Variants in KCTD2 observed in about 807,000 individuals in gnomAD.
KCTD2 encodes the protein potassium channel tetramerization domain containing 2.
KCTD2 carries 18 observed loss-of-function variants against 27.9 expected under a neutral mutation model. That is an observed-to-expected ratio of 0.64 (90% confidence interval 0.45 to 0.96). The LOEUF is 0.96. Among genes scored for constraint, KCTD2 ranks in the 40% least tolerant of loss-of-function variants. KCTD2 has a pLI of 0.00. For synonymous variants in KCTD2, 175 were observed against 148.4 expected, an observed-to-expected ratio of 1.18 and a Z score of -1.30; for missense variants, 280 against 348.0, an observed-to-expected ratio of 0.80 and a Z score of 1.56.
intron 3 of KCTD2, chr17:75,038,830 A>T (rs933062668): frequency 1.5e-6 from 2 of 1,359,212 alleles, no homozygotes; most frequent in African/African-American, 1.5e-5. Flanking sequence ...AGGCTTAATT[A>T]TCTCAACCAC....
chr17:75,062,277 T>C lies in KCTD2; in HGVS notation c.762+32T>C, dbSNP rs769244650. 1.7e-5 allele frequency: 27 copies of C among 1,593,088 alleles called. No homozygotes were observed. The South Asian group carries it at 2.6e-4, about 16-fold the overall frequency. ...AGCCCCTTCCCTGGGCAGTTGCCTC[T>C]GGCTTGCTTGTTCGCACCCCCTCCG... On this transcript the variant is annotated intron_variant, in intron 5 of 5. Coordinates refer to ENST00000322444, the MANE Select transcript of KCTD2 (RefSeq NM_015353.3).
intron 3 of KCTD2, among the ~76,000 whole-genome samples, chr17:75,055,624 A>G (rs550454180): frequency 1.8e-4 from 27 of 152,006 alleles, no homozygotes; most frequent in African/African-American, 6.3e-4. Context: ...ACCTGAGGTC[A>G]GGAGTTCAAG....
intron 5 of KCTD2, among the ~76,000 whole-genome samples, chr17:75,062,582 G>T (rs1312939976): frequency 6.6e-6 from 1 of 151,940 alleles, no homozygotes; most frequent in African/African-American, 2.4e-5. Context: ...CTTTAAAACT[G>T]TGCTTTTTTC....
chr17:75,060,247 G>A (rs75533478), intron 4 of KCTD2, among the ~76,000 whole-genome samples: 1 of 149,636 alleles, frequency 6.7e-6, no homozygotes, highest in South Asian at 2.1e-4. Flanking sequence ...TTTTTTTTTG[G>A]AAAGTCAAAT....
chr17:75,064,139 G>T lies in KCTD2; in HGVS notation c.*1092G>T, dbSNP rs1379475019. Reference sequence around the variant, plus strand: ...GTGCTAGGCAGTCTGGGGACCCCCTGTGTCTCTGACCACCCCCCTGACCCC... The same window carrying T: ...GTGCTAGGCAGTCTGGGGACCCCCTTTGTCTCTGACCACCCCCCTGACCCC... On this transcript the variant is annotated 3_prime_UTR_variant, in exon 6 of 6. Transcript: ENST00000322444. 6.5e-6 allele frequency: 1 copy of T among 152,672 alleles called. No homozygotes were observed. The highest frequency in any genetic ancestry group is 2.4e-5 in the African/African-American group (1 of 41,458). 9.5% of individuals were successfully genotyped at this position (152,672 alleles called of 1,614,324 possible).
At chr17:75,036,588 C>T (rs1298497937) in intron 3 of KCTD2, among the ~76,000 whole-genome samples, 2 of 152,278 alleles carry the variant, frequency 1.3e-5, no homozygotes, top group Non-Finnish European at 2.9e-5. Flanking sequence ...TCCCAAAGGG[C>T]TCCCCCTAAT....
At chr17:75,047,202 G>T, upstream of KCTD2, 1 of 591,360 alleles carries the variant, frequency 1.7e-6, no homozygotes, top group Non-Finnish European at 2.4e-6. Flanking sequence ...CCGAGAAATG[G>T]GCCGGCCCGG....
chr17:75,058,665 G>A (rs1357984166), intron 3 of KCTD2, among the ~76,000 whole-genome samples: 1 of 151,966 alleles, frequency 6.6e-6, no homozygotes, highest in African/African-American at 2.4e-5. Flanking sequence ...CAGGCTTAGC[G>A]GCAGGCGCCT....
rs2073436650 is a variant in KCTD2 at position 75,064,467 on chromosome 17, C to T, written c.*1420C>T. ...GTGATGTCCTGTGTGCTCCACAGCTCACCTGCTTGCCAAGGTACGTCTGGG... is the reference window on the plus strand; with the variant it reads ...GTGATGTCCTGTGTGCTCCACAGCTTACCTGCTTGCCAAGGTACGTCTGGG... On this transcript the variant is annotated 3_prime_UTR_variant, in exon 6 of 6. Coordinates refer to ENST00000322444, the MANE Select transcript of KCTD2 (RefSeq NM_015353.3). The T allele has an allele frequency of 6.6e-6, 1 of 152,274 alleles. No individual in the cohort carries two copies. The highest frequency in any genetic ancestry group is 2.4e-5 in the African/African-American group (1 of 41,460). 9.4% of individuals were successfully genotyped at this position (152,274 alleles called of 1,614,324 possible). A position where few individuals can be genotyped will look rare whatever the true frequency, so the allele number is the denominator to read the frequency against.
chr17:75,057,857 G>A (rs963436877), intron 3 of KCTD2, among the ~76,000 whole-genome samples: 2 of 151,082 alleles, frequency 1.3e-5, no homozygotes, highest in African/African-American at 2.4e-5. Flanking sequence ...CACTGCACCC[G>A]GCGATCGTTA....
At chr17:75,033,866 C>T (rs1381444055) in intron 1 of KCTD2, among the ~76,000 whole-genome samples, 1 of 152,268 alleles carries the variant, frequency 6.6e-6, no homozygotes. Context: ...AGGGGACACT[C>T]GCTTATGAGG....
rs1311542820 is a variant in KCTD2, at chr17:75,065,248, C to T, written c.*2201C>T. The T allele has an allele frequency of 1.3e-5, 2 of 152,204 alleles. No individual in the cohort carries two copies. The highest frequency in any genetic ancestry group is 1.3e-4 in the Admixed American group (2 of 15,278). The allele number at this position is 152,204 out of a possible 1,614,324, so 9.4% of individuals were successfully genotyped here. ...CACCAAGTTTCCCTCCTCGCTGCAA[C>T]CCAATGACACCTGTATTGTTCCAGC... On this transcript the variant is annotated 3_prime_UTR_variant, in exon 6 of 6. Coordinates refer to ENST00000322444, the MANE Select transcript of KCTD2 (RefSeq NM_015353.3).
intron 2 of KCTD2, among the ~76,000 whole-genome samples, chr17:75,052,172 G>A (rs1283114335): frequency 1.3e-5 from 2 of 152,200 alleles, no homozygotes; most frequent in Non-Finnish European, 2.9e-5. Flanking sequence ...TTGAAATGGA[G>A]TGAGCAGAAC....
At chr17:75,034,411 G>A (rs536354228) in intron 2 of KCTD2, among the ~76,000 whole-genome samples, 4 of 152,270 alleles carry the variant, frequency 2.6e-5, no homozygotes, top group South Asian at 2.1e-4. Flanking sequence ...AAGAAACCTT[G>A]CGAGCACAGC....
upstream of KCTD2, among the ~76,000 whole-genome samples, chr17:75,046,034 G>C (rs941253650): frequency 6.6e-6 from 1 of 152,212 alleles, no homozygotes; most frequent in Non-Finnish European, 1.5e-5. Flanking sequence ...TCTGTTTGGG[G>C]TCCCTGATTT....
intron 4 of KCTD2, among the ~76,000 whole-genome samples, chr17:75,061,675 G>A (rs1026454029): frequency 5.3e-5 from 8 of 152,276 alleles, no homozygotes; most frequent in Admixed American, 3.3e-4. Flanking sequence ...AGCAGCATAT[G>A]ACTTCCAGTA....
chr17:75,039,584 C>A, intron 3 of KCTD2: 1 of 346,204 alleles, frequency 2.9e-6, no homozygotes, highest in South Asian at 4.3e-5. Context: ...GCCACCTGAG[C>A]ACCTAGCCAG....
intron 3 of KCTD2, among the ~76,000 whole-genome samples, chr17:75,038,234 C>A (rs1260035617): frequency 6.6e-6 from 1 of 151,890 alleles, no homozygotes; most frequent in Non-Finnish European, 1.5e-5. Context: ...AAGCCTCAAG[C>A]TGAGGCCAAG....
chr17:75,060,078 CCCCTACTTCTCT>C (rs2073388476), intron 4 of KCTD2, among the ~76,000 whole-genome samples: 2 of 152,100 alleles, frequency 1.3e-5, no homozygotes, highest in African/African-American at 2.4e-5. Context: ...GCGGCCGTTT[CCCCTACTTCTCT>C]CCGCCTCGTG....
Sources: gnomAD v4.1 joint callset for allele counts (sites outside exome capture counted in the v4.1 genomes callset) on GRCh38, gnomAD v4.1.1 for gene constraint, MANE v1.5 for transcripts, NCBI Gene and HGNC (gene_info 2026-07-23, HGNC 2026-07-21) for gene names.